MTA3: variants seen among roughly 807,000 people sequenced by gnomAD.
MTA3 encodes the protein metastasis-associated protein MTA3.
A neutral mutation model predicts 83.5 loss-of-function variants in MTA3; 34 were observed. That is an observed-to-expected ratio of 0.41 (90% CI 0.31 to 0.54). The LOEUF (loss-of-function observed/expected upper bound fraction) is 0.54, where lower values mean the gene tolerates loss of function less well. MTA3 is among the 20% of genes least tolerant of loss of function. The pLI is 0.33. For missense variants in MTA3, 761 were observed against 726.4 expected (o/e 1.05, Z -0.55); for synonymous variants, 303 against 252.7 (o/e 1.20, Z -1.89).
At chr2:42,723,132 C>G (rs1310506226) in intron 16 of MTA3, 97 bp downstream of exon 16, 3 of 1,333,148 alleles carry the variant, frequency 2.3e-6, no homozygotes, top group African/African-American at 2.9e-5. Context: ...TAAGCATGTT[C>G]TTGTATTCCA....
chr2:42,740,090 G>A (rs1290479926), intron 16 of MTA3, among the ~76,000 whole-genome samples: 2 of 152,292 alleles, frequency 1.3e-5, no homozygotes, highest in South Asian at 4.1e-4. Flanking sequence ...TGTTCTAATG[G>A]CATCTATAAA....
chr2:42,499,084 A>G (rs1041752712), intron 2 of MTA3, among the ~76,000 whole-genome samples: 2 of 152,192 alleles, frequency 1.3e-5, no homozygotes, highest in African/African-American at 4.8e-5. Flanking sequence ...TATAGGATGA[A>G]TAAGTCCTAG....
chr2:42,661,611 C>T (rs1339924119), intron 8 of MTA3, among the ~76,000 whole-genome samples: 8 of 149,468 alleles, frequency 5.4e-5, no homozygotes, highest in Non-Finnish European at 7.4e-5. Flanking sequence ...GTGATTTTTG[C>T]TCAATTTAAA....
rs758740649 is a variant in MTA3 at position 42,640,252 on chromosome 2, AGTT to A, written c.381+20_381+22del. 2.5e-6 allele frequency: 4 copies of A among 1,576,458 alleles called. No homozygotes were observed. Among genetic ancestry groups the A allele is most frequent in the Non-Finnish European group, 3.4e-6 (4 of 1,160,830 alleles). ...TGATAAGGAGGTAATTCACAATCAT[AGTT>A]GTTTTGTTTTTTTCTCCCTTTATTT... On this transcript the variant is annotated intron_variant, in intron 5 of 16. Transcript: ENST00000405094.
intron 2 of MTA3, among the ~76,000 whole-genome samples, chr2:42,505,949 A>G (rs1674610209): frequency 6.6e-6 from 1 of 151,622 alleles, no homozygotes; most frequent in Non-Finnish European, 1.5e-5. Flanking sequence ...TTGAAATTTT[A>G]ATAGAGCGTT....
At chr2:42,635,039 A>C (rs1687050020) in intron 4 of MTA3, among the ~76,000 whole-genome samples, 1 of 152,248 alleles carries the variant, frequency 6.6e-6, no homozygotes, top group Non-Finnish European at 1.5e-5. Flanking sequence ...AAAAGTTTTT[A>C]TTCTCATATA....
intron 4 of MTA3, among the ~76,000 whole-genome samples, chr2:42,629,179 A>G (rs1686424823): frequency 6.6e-6 from 1 of 152,048 alleles, no homozygotes; most frequent in Non-Finnish European, 1.5e-5. Flanking sequence ...TCCCAGGTTC[A>G]AGCAATTCTC....
chr2:42,532,151 T>G (rs1334980025), intron 2 of MTA3, among the ~76,000 whole-genome samples: 1 of 152,368 alleles, frequency 6.6e-6, no homozygotes, highest in African/African-American at 2.4e-5. Flanking sequence ...TTTTGTAAAT[T>G]ATTTTATTTC....
intron 4 of MTA3, among the ~76,000 whole-genome samples, chr2:42,620,812 TG>T (rs1685450119): frequency 6.6e-6 from 1 of 152,218 alleles, no homozygotes. Flanking sequence ...CGAGAAAACA[TG>T]GGATTGTTTG....
At chr2:42,622,231 C>T (rs572563924) in intron 4 of MTA3, among the ~76,000 whole-genome samples, 10 of 152,148 alleles carry the variant, frequency 6.6e-5, no homozygotes, top group African/African-American at 1.4e-4. Context: ...AGCGAAACCC[C>T]GTCTCCACCA....
chr2:42,510,053 C>T (rs994974215), intron 2 of MTA3, among the ~76,000 whole-genome samples: 2 of 151,994 alleles, frequency 1.3e-5, no homozygotes, highest in African/African-American at 4.8e-5. Flanking sequence ...GAGCTGGGCA[C>T]AGTGGCTCAT....
In MTA3 at chr2:42,609,561, A is replaced by G. The variant is rs764178477; in HGVS notation, c.294A>G (p.Glu98=). 1.3e-5 allele frequency: 21 copies of G among 1,613,810 alleles called. No homozygotes were observed. The South Asian group carries it at 2.2e-4, about 17-fold the overall frequency. The change falls in exon 4 of 17, where the codon GAA becomes GAG. Residue 98 remains glutamate (E), a synonymous_variant. Coordinates refer to ENST00000405094, the MANE Select transcript of MTA3 (RefSeq NM_001330442.2). The part of the protein sequence containing the change: ...HRELFLSRQY[E]SLPATHIRGK... ...AACTCTTTTTGTCACGCCAGTATGA[A>G]TCTCTGCCCGCAACACATATCAGGT...
intron 2 of MTA3, among the ~76,000 whole-genome samples, chr2:42,540,111 T>G (rs901001474): frequency 6.6e-5 from 10 of 151,622 alleles, no homozygotes; most frequent in Admixed American, 6.6e-4. Context: ...CACCAGGAGT[T>G]GAGTCAGGTG....
intron 2 of MTA3, among the ~76,000 whole-genome samples, chr2:42,571,196 AC>A (rs1678439700): frequency 6.6e-6 from 1 of 151,688 alleles, no homozygotes; most frequent in Admixed American, 6.6e-5. Context: ...GGAGTTCAAG[AC>A]CAGCCTGGCC....
At chr2:42,656,699 C>T (rs904566426) in intron 7 of MTA3, among the ~76,000 whole-genome samples, 1 of 152,198 alleles carries the variant, frequency 6.6e-6, no homozygotes, top group Non-Finnish European at 1.5e-5. Flanking sequence ...TGGGTAAGGC[C>T]TGTTGCTAAG....
At position 42,746,385 on chromosome 2, in the gene MTA3, C is replaced by G. The variant is rs190762995; in HGVS notation, c.1760-6989C>G. On this transcript the variant is annotated intron_variant, in intron 16 of 16. Transcript: ENST00000405094. ...TTCTGTTCTCTCACTGAACAACAATCGACACAGAAGACTTCTGTGACCAAA... is the reference window on the plus strand; with the variant it reads ...TTCTGTTCTCTCACTGAACAACAATGGACACAGAAGACTTCTGTGACCAAA... Among the ~76,000 whole-genome samples the G allele has an allele frequency of 1.9e-4, 29 of 152,292 alleles. No individual in the cohort carries two copies. The East Asian group carries it at 5.0e-3, about 26-fold the overall frequency.
At chr2:42,560,752 A>G (rs557193122) in intron 2 of MTA3, among the ~76,000 whole-genome samples, 2 of 152,024 alleles carry the variant, frequency 1.3e-5, no homozygotes, top group South Asian at 4.2e-4. Flanking sequence ...TGGAAAAAAA[A>G]AAAATTAGCG....
intron 2 of MTA3, among the ~76,000 whole-genome samples, chr2:42,548,257 G>T (rs555669543): frequency 1.3e-5 from 2 of 152,242 alleles, no homozygotes; most frequent in Non-Finnish European, 2.9e-5. Flanking sequence ...TTGAGGTCAG[G>T]AATTCGAGAC....
intron 8 of MTA3, among the ~76,000 whole-genome samples, chr2:42,671,533 A>G (rs1690791835): frequency 6.6e-6 from 1 of 151,950 alleles, no homozygotes; most frequent in Non-Finnish European, 1.5e-5. Flanking sequence ...CCTTTTTAAG[A>G]CCTTTTTAAA....
Sources: gnomAD v4.1 joint callset for allele counts (sites outside exome capture counted in the v4.1 genomes callset) on GRCh38, gnomAD v4.1.1 for gene constraint, MANE v1.5 for transcripts, NCBI Gene and HGNC (gene_info 2026-07-23, HGNC 2026-07-21) for gene names.